Variants in DGKI observed in about 807,000 individuals in gnomAD.
DGKI encodes the protein DAG kinase iota.
DGKI carries 55 observed loss-of-function variants against 147.5 expected under a neutral mutation model. That is an observed-to-expected ratio of 0.37 (90% confidence interval 0.30 to 0.47). The LOEUF is 0.47. Ranked by LOEUF, DGKI falls within the 20% of genes least tolerant of loss-of-function variation. The probability of loss-of-function intolerance (pLI) is 1.00; values close to 1 mark genes in which losing one functional copy is unlikely to be tolerated. For missense variants in DGKI, 1,007 were observed against 1,323.8 expected, an observed-to-expected ratio of 0.76 and a Z score of 3.71; for synonymous variants, 469 against 477.1, an observed-to-expected ratio of 0.98 and a Z score of 0.22.
intron 1 of DGKI, among the ~76,000 whole-genome samples, chr7:137,766,369 TAA>T (rs1796014099): frequency 6.6e-6 from 1 of 152,270 alleles, no homozygotes; most frequent in South Asian, 2.1e-4. Context: ...TGAAAGTAAT[TAA>T]GTTTTTTTAA....
chr7:137,684,202 C>T (rs1165074534), intron 2 of DGKI, among the ~76,000 whole-genome samples: 1 of 152,162 alleles, frequency 6.6e-6, no homozygotes, highest in African/African-American at 2.4e-5. Flanking sequence ...CTGTACAATA[C>T]GCAGATGGCT....
At chr7:137,504,414 A>T (rs565913104) in intron 21 of DGKI, among the ~76,000 whole-genome samples, 1 of 152,284 alleles carries the variant, frequency 6.6e-6, no homozygotes. Flanking sequence ...CTCAGAAACC[A>T]CTGTGTTTGC....
chr7:137,503,730 C>T (rs1816265837), intron 21 of DGKI, among the ~76,000 whole-genome samples: 1 of 152,086 alleles, frequency 6.6e-6, no homozygotes, highest in South Asian at 2.1e-4. Context: ...GGTTCTTTTA[C>T]AATATAGTAT....
At chr7:137,789,970 T>A (rs1796799489) in intron 1 of DGKI, among the ~76,000 whole-genome samples, 1 of 152,186 alleles carries the variant, frequency 6.6e-6, no homozygotes, top group African/African-American at 2.4e-5. Context: ...TATGTTAATC[T>A]ATAGCAAGGA....
At chr7:137,835,225 C>T (rs1798336730) in intron 1 of DGKI, among the ~76,000 whole-genome samples, 1 of 152,156 alleles carries the variant, frequency 6.6e-6, no homozygotes, top group African/African-American at 2.4e-5. Context: ...CAAAACGTAC[C>T]TGTTTGTTAG....
At chr7:137,470,792 C>T (rs528987330) in intron 23 of DGKI, among the ~76,000 whole-genome samples, 1 of 152,248 alleles carries the variant, frequency 6.6e-6, no homozygotes, top group African/African-American at 2.4e-5. Flanking sequence ...TTATCTCCTG[C>T]TCCAAGTCTC....
intron 3 of DGKI, among the ~76,000 whole-genome samples, chr7:137,677,331 G>A (rs1376940626): frequency 6.6e-6 from 1 of 152,186 alleles, no homozygotes; most frequent in Non-Finnish European, 1.5e-5. Context: ...AAGGTCACGA[G>A]TTCTCAATGT....
chr7:137,446,970 A>G (rs1326682857), intron 27 of DGKI, among the ~76,000 whole-genome samples: 1 of 152,200 alleles, frequency 6.6e-6, no homozygotes, highest in African/African-American at 2.4e-5. Flanking sequence ...TGTATACTTT[A>G]TCTTGGAGCA....
At chr7:137,637,798 A>T (rs566206937) in intron 6 of DGKI, among the ~76,000 whole-genome samples, 1 of 152,320 alleles carries the variant, frequency 6.6e-6, no homozygotes, top group East Asian at 1.9e-4. Context: ...CTTTAACAAG[A>T]GAGAATTTTA....
intron 1 of DGKI, among the ~76,000 whole-genome samples, chr7:137,694,092 C>T (rs902276912): frequency 2.0e-5 from 3 of 152,094 alleles, no homozygotes; most frequent in African/African-American, 4.8e-5. Context: ...GAGGCCGAGG[C>T]GGGCAGATCA....
intron 1 of DGKI, among the ~76,000 whole-genome samples, chr7:137,727,158 T>C (rs936447245): frequency 3.3e-5 from 5 of 152,052 alleles, no homozygotes; most frequent in African/African-American, 1.2e-4. Context: ...AGAGATGGTA[T>C]GAATAATCAG....
At position 137,720,877 on chromosome 7, in the gene DGKI, T is replaced by C. The variant is rs78208396; in HGVS notation, c.402-30875A>G. Among the ~76,000 whole-genome samples, 1,075 of 152,282 alleles carry C rather than the reference T, an allele frequency of 7.1e-3. 14 individuals are homozygous for C. Among genetic ancestry groups the C allele is most frequent in the African/African-American group, 0.025 (1,025 of 41,536 alleles). ...TAAAAATGAGACAAGACAAAAAAGC[T>C]TTTTTACTATCGTCTCCTAATCCTC... is the stretch of plus-strand genomic sequence containing the variant. On this transcript the variant is annotated intron_variant, in intron 1 of 32. Coordinates refer to ENST00000614521, the MANE Select transcript of DGKI (RefSeq NM_001321708.2).
At chr7:137,663,613 T>C (rs566830809) in intron 3 of DGKI, among the ~76,000 whole-genome samples, 1 of 152,190 alleles carries the variant, frequency 6.6e-6, no homozygotes, top group South Asian at 2.1e-4. Context: ...TGTGGAGGTT[T>C]GAACGGTGTG....
intron 28 of DGKI, among the ~76,000 whole-genome samples, chr7:137,420,709 C>A (rs1205567029): frequency 6.6e-6 from 1 of 152,072 alleles, no homozygotes; most frequent in Non-Finnish European, 1.5e-5. Flanking sequence ...GTGTGTCTGT[C>A]CTTAATCTCT....
At chr7:137,510,002 G>T (rs1217724833) in intron 21 of DGKI, among the ~76,000 whole-genome samples, 1 of 152,190 alleles carries the variant, frequency 6.6e-6, no homozygotes, top group East Asian at 1.9e-4. Flanking sequence ...GACAAAAGTT[G>T]TCAGGTGGAG....
chr7:137,466,833 T>C, intron 25 of DGKI, 69 bp downstream of exon 25: 5 of 1,522,996 alleles, frequency 3.3e-6, no homozygotes, highest in Non-Finnish European at 3.6e-6. Context: ...ATTTATGAGA[T>C]TAGCTACCAA....
At chr7:137,440,969 A>T (rs1324451542) in intron 28 of DGKI, among the ~76,000 whole-genome samples, 1 of 152,118 alleles carries the variant, frequency 6.6e-6, no homozygotes, top group African/African-American at 2.4e-5. Flanking sequence ...TCCAGAGAAA[A>T]TTTAATGATA....
intron 3 of DGKI, among the ~76,000 whole-genome samples, chr7:137,678,095 T>C (rs549161384): frequency 6.6e-6 from 1 of 152,336 alleles, no homozygotes; most frequent in South Asian, 2.1e-4. Context: ...CTGGATTATT[T>C]GTTAGCCTAC....
intron 1 of DGKI, among the ~76,000 whole-genome samples, chr7:137,745,598 G>A (rs1585436217): frequency 6.6e-6 from 1 of 152,078 alleles, no homozygotes; most frequent in African/African-American, 2.4e-5. Flanking sequence ...ACTCAGTAGT[G>A]GGCTCAATTA....
Sources: allele counts gnomAD v4.1 joint callset (sites outside exome capture counted in the v4.1 genomes callset), GRCh38; gene constraint gnomAD v4.1.1; transcripts MANE v1.5; gene names NCBI Gene and HGNC (gene_info 2026-07-23, HGNC 2026-07-21).